Variants in MTMR1 observed in about 807,000 individuals in gnomAD.
The protein encoded by MTMR1 is myotubularin related protein 1.
MTMR1 carries 17 observed loss-of-function variants against 51.6 expected under a neutral mutation model. The observed-to-expected ratio is 0.33, with a 90% CI of 0.23 to 0.49. The LOEUF is 0.49. Ranked by LOEUF, MTMR1 falls within the 20% of genes least tolerant of loss-of-function variation. MTMR1 has a pLI of 0.99. For synonymous variants in MTMR1, 201 were observed against 205.6 expected, an observed-to-expected ratio of 0.98 and a Z score of 0.19; for missense variants, 386 against 526.9, an observed-to-expected ratio of 0.73 and a Z score of 2.62.
intron 2 of MTMR1, among the ~76,000 whole-genome samples, chrX:150,702,174 G>A (rs932337198): frequency 9.6e-6 from 1 of 104,560 alleles, no homozygotes; most frequent in Admixed American, 1.1e-4. Context: ...CTCCCATCTC[G>A]GCCTCCCAAA....
rs969567652 is a variant in MTMR1, at chrX:150,732,653, A to G, written c.1003A>G (p.Ile335Val). Residue 335 changes from isoleucine to valine, a missense_variant, in exon 10 of 16, where the codon ATA (isoleucine) becomes GTA (valine). Physicochemically the swap from Ile to Val is conservative, Grantham distance 29. Coordinates refer to ENST00000445323, the MANE Select transcript of MTMR1 (RefSeq NM_001306144.3). ...AGAGGATGAAAAATACTTGCAAACA[A>G]TAATGGATGCTAACGCACAGTCACA... ...CKEDEKYLQT[I>V]MDANAQSHKL... 6.6e-6 allele frequency: 8 copies of G among 1,210,217 alleles called. No individual in the cohort carries two copies. Among genetic ancestry groups the G allele is most frequent in the African/African-American group, 1.7e-5 (1 of 57,330 alleles).
intron 4 of MTMR1, among the ~76,000 whole-genome samples, chrX:150,723,693 C>A (rs2041830087): frequency 9.0e-6 from 1 of 111,631 alleles, no homozygotes; most frequent in Non-Finnish European, 1.9e-5. Context: ...AGGCCTAGAA[C>A]CTAGTAGATA....
chrX:150,720,205 A>T (rs1000135329), intron 4 of MTMR1, among the ~76,000 whole-genome samples: 10 of 111,736 alleles, frequency 8.9e-5, no homozygotes, highest in African/African-American at 2.9e-4. Flanking sequence ...TCAGAATGTG[A>T]AGAGTTTTGA....
At chrX:150,757,128 C>T (rs1326294349) in intron 15 of MTMR1, among the ~76,000 whole-genome samples, 2 of 112,648 alleles carry the variant, frequency 1.8e-5, no homozygotes, top group South Asian at 3.7e-4. Flanking sequence ...ATCTCTAGAT[C>T]GTCTCCACAC....
chrX:150,741,118 T>A (rs2042412942), intron 12 of MTMR1, among the ~76,000 whole-genome samples: 1 of 111,972 alleles, frequency 8.9e-6, no homozygotes, highest in Non-Finnish European at 1.9e-5. Context: ...TGGAGCCAGA[T>A]GGAGCATTCC....
At chrX:150,730,003 G>GGA (rs1208127903) in intron 6 of MTMR1, 106 bp from the exon 7 acceptor site, 2 of 448,113 alleles carry the variant, frequency 4.5e-6, no homozygotes, top group African/African-American at 5.2e-5. Context: ...AAGTATAAAA[G>GGA]GAGAAATGAA....
intron 3 of MTMR1, among the ~76,000 whole-genome samples, chrX:150,718,071 G>GAC (rs782098677): frequency 3.0e-4 from 33 of 111,302 alleles, no homozygotes; most frequent in Non-Finnish European, 5.3e-4. Flanking sequence ...AGCACACACA[G>GAC]ACACACACAC....
intron 7 of MTMR1, 88 bp downstream of exon 7, chrX:150,730,298 TTTTTTTCCTCTC>T (rs1557416938): frequency 1.4e-6 from 1 of 694,800 alleles, no homozygotes; most frequent in Non-Finnish European, 2.0e-6. Context: ...CAGAGGTTTT[TTTTTTTCCTCTC>T]TTTTTTCCTC....
intron 10 of MTMR1, chrX:150,735,785 T>C (rs1477140387): frequency 3.8e-6 from 1 of 266,176 alleles, no homozygotes; most frequent in Admixed American, 6.6e-5. Context: ...TGAGAACACT[T>C]AAAATCTACT....
intron 2 of MTMR1, among the ~76,000 whole-genome samples, chrX:150,707,809 C>G (rs1430877238): frequency 2.7e-5 from 3 of 112,315 alleles, no homozygotes; most frequent in African/African-American, 9.7e-5. Flanking sequence ...TCACCGAAAA[C>G]TGGAACCCAC....
intron 14 of MTMR1, among the ~76,000 whole-genome samples, chrX:150,752,624 GTTTTTTTTTTTT>G (rs782406235): frequency 1.7e-5 from 1 of 57,470 alleles, no homozygotes; most frequent in African/African-American, 7.2e-5. Context: ...GCTTTATCTT[GTTTTTTTTTTTT>G]TTTTTTTTTT....
chrX:150,761,971 G>A (rs1557418038), intron 15 of MTMR1, among the ~76,000 whole-genome samples: 1 of 112,471 alleles, frequency 8.9e-6, no homozygotes, highest in African/African-American at 3.2e-5. Context: ...GTGATGCTGA[G>A]CAAGGAGGGA....
At chrX:150,731,735 T>C in intron 9 of MTMR1, 116 bp downstream of exon 9, 2 of 636,642 alleles carry the variant, frequency 3.1e-6, no homozygotes, top group East Asian at 3.7e-5. Context: ...AAAAATAAGC[T>C]TATAAACCTG....
intron 3 of MTMR1, among the ~76,000 whole-genome samples, chrX:150,713,441 A>T (rs2041380810): frequency 8.9e-6 from 1 of 112,228 alleles, no homozygotes; most frequent in African/African-American, 3.2e-5. Context: ...AAGTACATTA[A>T]GGAGTTATTG....
intron 15 of MTMR1, among the ~76,000 whole-genome samples, chrX:150,757,391 GCTTT>G (rs1313613961): frequency 1.8e-5 from 2 of 112,703 alleles, no homozygotes; most frequent in African/African-American, 3.2e-5. Flanking sequence ...TTCCTAGATG[GCTTT>G]CTATTTTGTT....
chrX:150,746,119 A>G (rs1557417455), intron 13 of MTMR1, among the ~76,000 whole-genome samples: 1 of 112,363 alleles, frequency 8.9e-6, no homozygotes, highest in Admixed American at 9.4e-5. Context: ...TTCAGTGGCA[A>G]GGGAGCACAG....
chrX:150,711,095 A>G (rs898781041), intron 2 of MTMR1, among the ~76,000 whole-genome samples: 3 of 112,338 alleles, frequency 2.7e-5, no homozygotes, highest in Admixed American at 1.9e-4. Flanking sequence ...ATAAACCTCA[A>G]ATATTTAAAA....
At chrX:150,698,703 C>G in intron 1 of MTMR1, among the ~76,000 whole-genome samples, 1 of 106,375 alleles carries the variant, frequency 9.4e-6, no homozygotes, top group East Asian at 3.0e-4. Context: ...CACACACACA[C>G]ACACACACAC....
At chrX:150,697,651 C>G (rs12850293) in intron 1 of MTMR1, among the ~76,000 whole-genome samples, 291 of 111,715 alleles carry the variant, frequency 2.6e-3, no homozygotes, top group Non-Finnish European at 4.3e-3. Context: ...AGCCTGACCA[C>G]TTGCCAGTCG....
Sources: allele counts gnomAD v4.1 joint callset (sites outside exome capture counted in the v4.1 genomes callset), GRCh38; gene constraint gnomAD v4.1.1; transcripts MANE v1.5; gene names NCBI Gene and HGNC (gene_info 2026-07-23, HGNC 2026-07-21).